USP34: variants seen among roughly 807,000 people sequenced by gnomAD.
USP34 encodes ubiquitin carboxyl-terminal hydrolase 34.
In USP34, 70 loss-of-function variants were observed where a neutral mutation model predicts 460.3. The ratio of observed to expected loss-of-function variants is 0.15; its 90% confidence interval spans 0.13 to 0.19. USP34 has a LOEUF of 0.19. USP34 is among the 10% of genes least tolerant of loss of function. The pLI, the probability that USP34 is intolerant of heterozygous loss-of-function variation, is 1.00. For synonymous variants in USP34, 1,647 were observed against 1,405.3 expected (o/e 1.17, Z -3.85); for missense variants, 3,985 against 4,236.2 (o/e 0.94, Z 1.65).
intron 43 of USP34, among the ~76,000 whole-genome samples, chr2:61,261,638 T>C (rs1484517119): frequency 6.6e-6 from 1 of 152,198 alleles, no homozygotes; most frequent in African/African-American, 2.4e-5. Context: ...TATAAATGGT[T>C]AAAATGATGA....
rs770539033 is a variant in USP34 at position 61,204,597 on chromosome 2, G to A, written c.9159C>T (p.Val3053=). The A allele has an allele frequency of 2.5e-6, 4 of 1,612,330 alleles. No individual in the cohort carries two copies. Among genetic ancestry groups the A allele is most frequent in the East Asian group, 2.2e-5 (1 of 44,856 alleles). The part of the protein sequence containing the change: ...PPELRNACID[V]LKELVLLSPH... ...GACTCAAAAGTACAAGTTCCTTGAG[G>A]ACATCTGAAAATAAAAACAAAGTTT... The change falls in exon 73 of 80, where the codon GTC becomes GTT. Residue 3053 remains valine (V), a synonymous_variant. Transcript: ENST00000398571.
At chr2:61,455,066 G>T (rs1695396968) in intron 1 of USP34, among the ~76,000 whole-genome samples, 1 of 151,184 alleles carries the variant, frequency 6.6e-6, no homozygotes, top group African/African-American at 2.4e-5. Context: ...ATTTTTAGTA[G>T]GGACAGGGTT....
At chr2:61,228,493 TA>T in intron 61 of USP34, 151 bp downstream of exon 61, 1 of 543,694 alleles carries the variant, frequency 1.8e-6, no homozygotes, top group Non-Finnish European at 3.0e-6. Context: ...AAAATTACAT[TA>T]AAAACATCAA....
At chr2:61,274,435 T>A (rs1428741770) in intron 41 of USP34, among the ~76,000 whole-genome samples, 3 of 137,288 alleles carry the variant, frequency 2.2e-5, no homozygotes, top group African/African-American at 2.7e-5. Flanking sequence ...AAACATGAAG[T>A]CAAGACAGAA....
intron 22 of USP34, 106 bp downstream of exon 22, chr2:61,319,067 A>T: frequency 9.0e-7 from 1 of 1,107,832 alleles, no homozygotes; most frequent in Non-Finnish European, 1.2e-6. Context: ...ACATTTGGCT[A>T]CTTAAAAAAA....
At chr2:61,256,344 T>A in intron 48 of USP34, 40 bp downstream of exon 48, 1 of 1,534,794 alleles carries the variant, frequency 6.5e-7, no homozygotes, top group Non-Finnish European at 9.0e-7. Flanking sequence ...CTTTCACTTC[T>A]ACGGTGAACA....
chr2:61,247,368 G>A (rs1688445426), intron 49 of USP34, among the ~76,000 whole-genome samples: 1 of 152,196 alleles, frequency 6.6e-6, no homozygotes, highest in Non-Finnish European at 1.5e-5. Context: ...GCTGAGGAGT[G>A]TAGATATGCT....
chr2:61,223,421 T>G, intron 62 of USP34, 125 bp from the exon 63 acceptor site: 1 of 987,726 alleles, frequency 1.0e-6, no homozygotes, highest in East Asian at 2.6e-5. Flanking sequence ...ATAAAATGAT[T>G]TTTTGCTAGC....
chr2:61,391,071 G>C (rs1047521116), intron 5 of USP34, among the ~76,000 whole-genome samples: 2 of 151,652 alleles, frequency 1.3e-5, no homozygotes, highest in African/African-American at 4.9e-5. Flanking sequence ...CTCCAGCCTG[G>C]TGACAGAGCG....
At chr2:61,416,850 T>G (rs1694211737) in intron 2 of USP34, 2 of 491,818 alleles carry the variant, frequency 4.1e-6, no homozygotes, top group East Asian at 3.5e-5. Flanking sequence ...TAGAATGTAT[T>G]GGTATTAAGA....
At chr2:61,307,918 C>T (rs112515163) in intron 27 of USP34, among the ~76,000 whole-genome samples, 8 of 151,976 alleles carry the variant, frequency 5.3e-5, no homozygotes, top group Non-Finnish European at 1.2e-4. Context: ...GCATGATGGC[C>T]GGCACCTGTA....
intron 1 of USP34, among the ~76,000 whole-genome samples, chr2:61,463,307 G>A (rs1055694977): frequency 2.8e-4 from 43 of 151,950 alleles, no homozygotes; most frequent in African/African-American, 9.9e-4. Context: ...CAGCATGGGT[G>A]ATACACTGTC....
intron 10 of USP34, 140 bp downstream of exon 10, chr2:61,370,181 G>A (rs921442955): frequency 6.5e-5 from 51 of 782,368 alleles, no homozygotes; most frequent in Non-Finnish European, 9.6e-5. Context: ...ACATGGACTC[G>A]GAAGCCAGAT....
chr2:61,470,982 G>GGGGGGGAGGGGAGAT lies in USP34; in HGVS notation c.-291_-290insATCTCCCCTCCCCCC, dbSNP rs1695944996. 7.3e-6 allele frequency among the ~76,000 whole-genome samples: 1 copy of GGGGGGGAGGGGAGAT among 136,230 alleles called. No individual in the cohort carries two copies. Among genetic ancestry groups the GGGGGGGAGGGGAGAT allele is most frequent in the Non-Finnish European group, 1.6e-5 (1 of 61,254 alleles). 89.4% of individuals were successfully genotyped at this position (136,230 alleles called of 152,430 possible). ...GGGGGAAGGACGGGGGGAGGGGAGA[G>GGGGGGGAGGGGAGAT]GGGGGGAGGGGGCGGGTGGGGAGAG... is the stretch of plus-strand genomic sequence containing the variant. On this transcript the variant is annotated 5_prime_UTR_variant, in exon 1 of 80. Coordinates refer to ENST00000398571, the MANE Select transcript of USP34 (RefSeq NM_014709.4).
At chr2:61,328,165 A>T (rs1049363692) in intron 20 of USP34, among the ~76,000 whole-genome samples, 3 of 151,822 alleles carry the variant, frequency 2.0e-5, no homozygotes, top group Non-Finnish European at 4.4e-5. Context: ...AGCCGGGTGC[A>T]GTGGCAGGCA....
At chr2:61,386,134 C>A (rs897206929) in intron 5 of USP34, among the ~76,000 whole-genome samples, 1 of 152,030 alleles carries the variant, frequency 6.6e-6, no homozygotes, top group Non-Finnish European at 1.5e-5. Context: ...GTATACTATG[C>A]CAAAGAGCCC....
chr2:61,264,120 A>G (rs1309305188), intron 43 of USP34, among the ~76,000 whole-genome samples: 1 of 152,194 alleles, frequency 6.6e-6, no homozygotes, highest in Non-Finnish European at 1.5e-5. Context: ...TTATTCAGAA[A>G]TATTTCCATA....
At chr2:61,375,849 A>G (rs1001529226) in intron 8 of USP34, among the ~76,000 whole-genome samples, 11 of 151,792 alleles carry the variant, frequency 7.2e-5, no homozygotes, top group African/African-American at 2.7e-4. Flanking sequence ...TGGTATATCT[A>G]TACAATGTGA....
chr2:61,191,781 AG>A (rs567242690), intron 76 of USP34, among the ~76,000 whole-genome samples: 191 of 152,342 alleles, frequency 1.3e-3, no homozygotes, highest in African/African-American at 4.5e-3. Context: ...TACCCAAATC[AG>A]GAAGAATGAA....
Sources: allele counts gnomAD v4.1 joint callset (sites outside exome capture counted in the v4.1 genomes callset), GRCh38; gene constraint gnomAD v4.1.1; transcripts MANE v1.5; gene names NCBI Gene and HGNC (gene_info 2026-07-23, HGNC 2026-07-21).